The following CTNNA3 variants were observed in gnomAD, a reference collection of about 807,000 sequenced individuals.
The protein encoded by CTNNA3 is catenin alpha-3.
Under a neutral mutation model 95.7 loss-of-function variants are expected in CTNNA3, and 76 were observed. The ratio of observed to expected loss-of-function variants is 0.79; its 90% CI spans 0.66 to 0.96. The LOEUF (loss-of-function observed/expected upper bound fraction) is 0.96, where lower values mean the gene tolerates loss of function less well. Among genes scored for constraint, CTNNA3 ranks in the 40% least tolerant of loss-of-function variants. The probability of loss-of-function intolerance (pLI) is 0.00; values close to 1 mark genes in which losing one functional copy is unlikely to be tolerated. For missense variants in CTNNA3, 1,191 were observed against 1,089.8 expected, an observed-to-expected ratio of 1.09 and a Z score of -1.31; for synonymous variants, 431 against 374.4, an observed-to-expected ratio of 1.15 and a Z score of -1.74.
At chr10:65,922,471 A>C (rs1786928) in intron 17 of CTNNA3, among the ~76,000 whole-genome samples, 22,997 of 152,168 alleles carry the variant, frequency 0.15, 2,169 homozygotes, top group South Asian at 0.23. Context: ...GATTAAGACT[A>C]TTTCATAACA....
chr10:66,189,142 G>A (rs1007087295), intron 13 of CTNNA3, among the ~76,000 whole-genome samples: 3 of 151,948 alleles, frequency 2.0e-5, no homozygotes, highest in Admixed American at 1.3e-4. Context: ...TTAGATATAT[G>A]GTTCACAAAT....
At chr10:66,840,961 T>C (rs990486591) in intron 7 of CTNNA3, among the ~76,000 whole-genome samples, 10 of 152,218 alleles carry the variant, frequency 6.6e-5, no homozygotes, top group African/African-American at 2.4e-4. Flanking sequence ...GGTTTCTTTC[T>C]AATTTTGTCA....
Position 66,348,188 on chromosome 10 carries a change from A to G in CTNNA3, c.1732+30964T>C, listed in dbSNP as rs2092539219. On this transcript the variant is annotated intron_variant, in intron 12 of 17. Coordinates refer to ENST00000433211, the MANE Select transcript of CTNNA3 (RefSeq NM_013266.4). The stretch of plus-strand genomic sequence containing the variant: ...CTCTTTCTTCAGTCTTTCTTGCAAA[A>G]ATGAAACACAATAACTTCATCTTAG... Among the ~76,000 whole-genome samples, 3 of 152,226 alleles carry G rather than the reference A, an allele frequency of 2.0e-5. No individual in the cohort carries two copies. The South Asian group carries it at 6.2e-4, about 32-fold the overall frequency.
intron 9 of CTNNA3, among the ~76,000 whole-genome samples, chr10:66,697,444 G>A (rs1409178270): frequency 1.5e-4 from 22 of 151,274 alleles, no homozygotes; most frequent in Admixed American, 1.4e-3. Context: ...CACAAACACT[G>A]ATACACAAAA....
chr10:66,489,161 G>A (rs1027517293), intron 11 of CTNNA3, among the ~76,000 whole-genome samples: 6 of 152,096 alleles, frequency 3.9e-5, no homozygotes, highest in Admixed American at 3.9e-4. Flanking sequence ...ATATCTACTC[G>A]AGAGTTTGAA....
rs918419183 is a variant in CTNNA3, at chr10:67,260,432, A to G, written c.580-40562T>C. On this transcript the variant is annotated intron_variant, in intron 5 of 17. Coordinates refer to ENST00000433211, the MANE Select transcript of CTNNA3 (RefSeq NM_013266.4). ...AACAAATATAAAATAGTTTCTCCAC[A>G]AAATAATTTTAGGGACTCCCTTAAA... 1.1e-4 allele frequency among the ~76,000 whole-genome samples: 16 copies of G among 152,328 alleles called. No homozygotes were observed. The South Asian group carries it at 1.7e-3, about 16-fold the overall frequency.
intron 1 of CTNNA3, among the ~76,000 whole-genome samples, chr10:67,673,138 C>T (rs1190318696): frequency 6.6e-6 from 1 of 151,776 alleles, no homozygotes; most frequent in Non-Finnish European, 1.5e-5. Flanking sequence ...AATGGTAGTT[C>T]ACTCATGATT....
intron 15 of CTNNA3, among the ~76,000 whole-genome samples, chr10:66,047,154 A>T (rs2079845648): frequency 6.6e-6 from 1 of 152,186 alleles, no homozygotes; most frequent in African/African-American, 2.4e-5. Flanking sequence ...CTTGACACCA[A>T]ATCCTGGCAG....
intron 7 of CTNNA3, among the ~76,000 whole-genome samples, chr10:67,042,962 A>T (rs759857823): frequency 6.6e-6 from 1 of 152,138 alleles, no homozygotes; most frequent in Non-Finnish European, 1.5e-5. Context: ...GTGAAAACTG[A>T]GCAGCTAGGT....
intron 14 of CTNNA3, among the ~76,000 whole-genome samples, chr10:66,074,356 T>C (rs1304135770): frequency 1.3e-5 from 2 of 151,936 alleles, no homozygotes; most frequent in East Asian, 3.8e-4. Flanking sequence ...TATGGGTGTA[T>C]TTCTCTTGAG....
At chr10:67,551,554 C>T (rs1841033936) in intron 3 of CTNNA3, among the ~76,000 whole-genome samples, 1 of 152,192 alleles carries the variant, frequency 6.6e-6, no homozygotes, top group African/African-American at 2.4e-5. Flanking sequence ...CTAACGCAAG[C>T]CGTCTACGGA....
chr10:66,775,570 T>C (rs772470488), intron 7 of CTNNA3, 46 bp from the exon 8 acceptor site: 1 of 1,355,748 alleles, frequency 7.4e-7, no homozygotes, highest in Non-Finnish European at 1.0e-6. Flanking sequence ...CAATTAATCT[T>C]TATCACTTAG....
intron 11 of CTNNA3, among the ~76,000 whole-genome samples, chr10:66,413,559 G>T (rs946579948): frequency 6.6e-6 from 1 of 152,136 alleles, no homozygotes; most frequent in Non-Finnish European, 1.5e-5. Flanking sequence ...ACAAAATATG[G>T]TAACATGGTA....
At chr10:67,287,789 A>C (rs2132459607) in intron 5 of CTNNA3, among the ~76,000 whole-genome samples, 1 of 152,304 alleles carries the variant, frequency 6.6e-6, no homozygotes, top group East Asian at 1.9e-4. Flanking sequence ...TTGCAGAAAA[A>C]CATGTAGTTA....
At chr10:66,648,918 T>G (rs1466259542) in intron 9 of CTNNA3, among the ~76,000 whole-genome samples, 1 of 152,168 alleles carries the variant, frequency 6.6e-6, no homozygotes, top group East Asian at 1.9e-4. Context: ...GCTGGGTTGT[T>G]AAGGCAAAGA....
intron 7 of CTNNA3, among the ~76,000 whole-genome samples, chr10:66,815,619 C>CTA (rs1842047329): frequency 6.6e-6 from 1 of 151,862 alleles, no homozygotes; most frequent in Admixed American, 6.6e-5. Flanking sequence ...CTAGGTATAC[C>CTA]ATCTTTGTTG....
intron 5 of CTNNA3, among the ~76,000 whole-genome samples, chr10:67,266,059 C>T (rs1411111984): frequency 6.6e-6 from 1 of 151,552 alleles, no homozygotes; most frequent in Non-Finnish European, 1.5e-5. Context: ...AAAAGAGAGA[C>T]CAAAATAAAC....
At chr10:66,173,967 AG>A (rs1273958789) in intron 13 of CTNNA3, among the ~76,000 whole-genome samples, 2 of 152,164 alleles carry the variant, frequency 1.3e-5, no homozygotes, top group Non-Finnish European at 2.9e-5. Context: ...GGAGCCAGGC[AG>A]TCTCACTTCA....
At position 67,720,129 on chromosome 10, in the gene CTNNA3, CTT is replaced by C. The variant is rs58074397; in HGVS notation, c.-2+43303_-2+43304del. On this transcript the variant is annotated intron_variant, in intron 1 of 17. Transcript: ENST00000684154. Reference sequence around the variant, plus strand: ...TCAGAGACTAGGATTGCAACCCCTGCTTTTTTTTTTTTTTTTTTTTTTTGCTG... The same window carrying C: ...TCAGAGACTAGGATTGCAACCCCTGCTTTTTTTTTTTTTTTTTTTTTGCTG... Among the ~76,000 whole-genome samples the C allele has an allele frequency of 2.9e-3, 19 of 6,612 alleles. 1 individual carries two copies. The South Asian group carries it at 0.069, about 24-fold the overall frequency. 4.3% of individuals were successfully genotyped at this position (6,612 alleles called of 152,430 possible).
Sources: gnomAD v4.1 joint callset for allele counts (sites outside exome capture counted in the v4.1 genomes callset) on GRCh38, gnomAD v4.1.1 for gene constraint, MANE v1.5 for transcripts, NCBI Gene and HGNC (gene_info 2026-07-23, HGNC 2026-07-21) for gene names.